SLC45A3: variants seen among roughly 807,000 people sequenced by gnomAD.
SLC45A3 encodes prostate cancer associated protein 2.
A neutral mutation model predicts 35.3 loss-of-function variants in SLC45A3; 17 were observed. That is an observed-to-expected ratio of 0.48 (90% CI 0.33 to 0.72). The LOEUF (loss-of-function observed/expected upper bound fraction) is 0.72, where lower values mean the gene tolerates loss of function less well. SLC45A3 is among the 30% of genes least tolerant of loss of function. SLC45A3 has a pLI of 0.02. For missense variants in SLC45A3, 597 were observed against 731.7 expected (o/e 0.82, Z 2.12); for synonymous variants, 288 against 334.3 (o/e 0.86, Z 1.51).
chr1:205,677,224 A>G (rs1671328345), intron 1 of SLC45A3, among the ~76,000 whole-genome samples: 1 of 152,206 alleles, frequency 6.6e-6, no homozygotes, highest in African/African-American at 2.4e-5. Context: ...ACACAGTAGC[A>G]GAGTAGTAGA....
intron 1 of SLC45A3, among the ~76,000 whole-genome samples, chr1:205,671,895 C>A (rs1187404133): frequency 1.3e-5 from 2 of 151,996 alleles, no homozygotes; most frequent in Admixed American, 1.3e-4. Context: ...AACACGCACA[C>A]AAAACAGAAA....
chr1:205,671,983 CA>C (rs1461894413), intron 1 of SLC45A3, among the ~76,000 whole-genome samples: 5 of 152,166 alleles, frequency 3.3e-5, no homozygotes, highest in African/African-American at 1.2e-4. Flanking sequence ...ATCTTCCAAC[CA>C]TCCGATGAGG....
Position 205,658,999 on chromosome 1 carries a change from C to G in SLC45A3, c.*235G>C, listed in dbSNP as rs1268649989. The G allele has an allele frequency of 1.8e-5, 10 of 544,186 alleles. No homozygotes were observed. The highest frequency in any genetic ancestry group is 3.3e-5 in the Non-Finnish European group (10 of 306,210). The allele number at this position is 544,186 out of a possible 1,614,324, so 33.7% of individuals were successfully genotyped here. On this transcript the variant is annotated 3_prime_UTR_variant, in exon 5 of 5. Coordinates refer to ENST00000367145, the MANE Select transcript of SLC45A3 (RefSeq NM_033102.3). Reference sequence around the variant, plus strand: ...TCCCTGTATAAGTCCAGACTGAAACCCCCTTGGAAGGCCTCCAGTCAGGCA... The same window carrying G: ...TCCCTGTATAAGTCCAGACTGAAACGCCCTTGGAAGGCCTCCAGTCAGGCA...
In SLC45A3 at chr1:205,664,132, C is replaced by A. The variant is rs61822933; in HGVS notation, c.172+353G>T. ...GACTTACCTAACCTCTTAAAAGCCT[C>A]TGCTTCCTTCTCTGTAAAATGGATC... On this transcript the variant is annotated intron_variant, in intron 2 of 4. Coordinates refer to ENST00000367145, the MANE Select transcript of SLC45A3 (RefSeq NM_033102.3). This position sits in a 1 kb window ranked among gnomAD's most constrained non-coding sequence, Gnocchi z 5.3. 2.6e-5 allele frequency among the ~76,000 whole-genome samples: 4 copies of A among 152,174 alleles called. No individual in the cohort carries two copies. The highest frequency in any genetic ancestry group is 5.9e-5 in the Non-Finnish European group (4 of 68,026).
chr1:205,663,546 T>A lies in SLC45A3; in HGVS notation c.245A>T (p.Tyr82Phe). ...GSASDHWRGR[Y>F]GRRRPFIWAL... Reference sequence around the variant, plus strand: ...CCAGATGAAGGGCCGGCGGCGGCCATAGCGTCCACGCCAGTGGTCACTGGC... The same window carrying A: ...CCAGATGAAGGGCCGGCGGCGGCCAAAGCGTCCACGCCAGTGGTCACTGGC... Residue 82 changes from tyrosine (Y) to phenylalanine (F), a missense_variant, in exon 3 of 5, where the codon TAT becomes TTT. Coordinates refer to ENST00000367145, the MANE Select transcript of SLC45A3 (RefSeq NM_033102.3). The A allele has an allele frequency of 6.2e-7, 1 of 1,612,734 alleles. No homozygotes were observed. The highest frequency in any genetic ancestry group is 8.5e-7 in the Non-Finnish European group (1 of 1,179,964).
At chr1:205,673,425 C>A (rs1039089598) in intron 1 of SLC45A3, among the ~76,000 whole-genome samples, 1 of 152,206 alleles carries the variant, frequency 6.6e-6, no homozygotes, top group Non-Finnish European at 1.5e-5. Context: ...GGCTTTCCTC[C>A]TACTGAACTT....
intron 1 of SLC45A3, among the ~76,000 whole-genome samples, chr1:205,676,105 T>G (rs1671309935): frequency 6.6e-6 from 1 of 152,204 alleles, no homozygotes; most frequent in Non-Finnish European, 1.5e-5. Flanking sequence ...ACATTCAAGC[T>G]AGCTGGGTGC....
At chr1:205,668,548 G>T (rs546168306) in intron 1 of SLC45A3, among the ~76,000 whole-genome samples, 35 of 152,140 alleles carry the variant, frequency 2.3e-4, no homozygotes, top group African/African-American at 7.5e-4. Flanking sequence ...CTGGGGACAG[G>T]GTCCAATTCT....
chr1:205,679,910 A>T (rs142036131), intron 1 of SLC45A3, among the ~76,000 whole-genome samples: 2 of 152,054 alleles, frequency 1.3e-5, no homozygotes, highest in East Asian at 1.9e-4. Flanking sequence ...TGCGCGCCGC[A>T]GTGACTCATC....
Position 205,662,839 on chromosome 1 carries a change from C to T in SLC45A3, c.952G>A (p.Asp318Asn), listed in dbSNP as rs1671051778. The T allele has an allele frequency of 3.8e-6, 6 of 1,589,530 alleles. No homozygotes were observed. The highest frequency in any genetic ancestry group is 5.1e-6 in the Non-Finnish European group (6 of 1,165,180). ...CTGGCTGCCAAGGCCTTACCTTCAT[C>T]ATAGTGTCTCCGGGCCTCGGTGCCC... ...EPGTEARRHY[D>N]EGVRMGSLGL... Residue 318 changes from aspartate (D) to asparagine (N), a missense_variant, in exon 3 of 5, where the codon GAT becomes AAT. Asp to Asn is a conservative substitution (Grantham distance 23, BLOSUM62 1). Transcript: ENST00000367145. The surrounding 1 kb of genome is among the most constrained non-coding windows in gnomAD (Gnocchi z 6.2).
intron 1 of SLC45A3, among the ~76,000 whole-genome samples, chr1:205,667,086 A>G (rs1167501905): frequency 6.6e-6 from 1 of 152,188 alleles, no homozygotes; most frequent in Non-Finnish European, 1.5e-5. Context: ...AATAAATTGC[A>G]GGCCAGGCAC....
Position 205,659,523 on chromosome 1 carries a change from G to C in SLC45A3, c.1373C>G (p.Pro458Arg). 2.5e-6 allele frequency: 4 copies of C among 1,610,810 alleles called. No individual in the cohort carries two copies. Among genetic ancestry groups the C allele is most frequent in the Non-Finnish European group, 3.4e-6 (4 of 1,178,058 alleles). ...ACAGGCAGAGGCCCCGCAGAGCGCG[G>C]GTGGAGGTGGGAGCAGGCCACTGCC... is the stretch of plus-strand genomic sequence containing the variant. ...AGGSGLLPPP[P>R]ALCGASACDV... Residue 458 changes from proline (P) to arginine (R), a missense_variant, in exon 5 of 5, where the codon CCC (proline) becomes CGC (arginine). Pro to Arg is a moderately radical substitution (Grantham distance 103). Transcript: ENST00000367145. The surrounding 1 kb of genome is among the most constrained non-coding windows in gnomAD (Gnocchi z 5.8).
At chr1:205,675,407 C>T (rs1671294871) in intron 1 of SLC45A3, among the ~76,000 whole-genome samples, 1 of 152,116 alleles carries the variant, frequency 6.6e-6, no homozygotes, top group Non-Finnish European at 1.5e-5. Context: ...GGGTAAGAGA[C>T]AGGAGATCAG....
intron 1 of SLC45A3, among the ~76,000 whole-genome samples, chr1:205,675,200 T>C (rs886094775): frequency 1.3e-5 from 2 of 152,218 alleles, no homozygotes; most frequent in Admixed American, 6.5e-5. Context: ...AGGACCCCTC[T>C]GCAATGAGGG....
In SLC45A3 at chr1:205,661,874, T is replaced by C; in HGVS notation, c.1211A>G (p.His404Arg). The change falls in exon 4 of 5, where the codon CAC (histidine) becomes CGC (arginine). Residue 404 changes from histidine to arginine, a missense_variant. Physicochemically the swap from His to Arg is conservative, Grantham distance 29. This residue lies in a region of SLC45A3 where 555 missense variants were observed against 664.9 expected (regional missense o/e 0.83). Transcript: ENST00000367145. Reference sequence around the variant, plus strand: ...GCCAATGAGTACCTGCTTCTCCCGGTGGTAGAGGGAGGCCAGTGTGTAGGG... The same window carrying C: ...GCCAATGAGTACCTGCTTCTCCCGGCGGTAGAGGGAGGCCAGTGTGTAGGG... ...ILPYTLASLY[H>R]REKQVFLPKY... is the part of the protein sequence containing the mutation. The C allele has an allele frequency of 6.2e-7, 1 of 1,612,508 alleles. No homozygotes were observed. Among genetic ancestry groups the C allele is most frequent in the South Asian group, 1.1e-5 (1 of 90,984 alleles).
chr1:205,671,583 G>A (rs778379874), intron 1 of SLC45A3, among the ~76,000 whole-genome samples: 1 of 152,216 alleles, frequency 6.6e-6, no homozygotes, highest in Non-Finnish European at 1.5e-5. Context: ...AGCAGGCCGG[G>A]CACGGTGGCT....
intron 1 of SLC45A3, among the ~76,000 whole-genome samples, chr1:205,673,372 C>G (rs541187373): frequency 6.6e-6 from 1 of 152,202 alleles, no homozygotes; most frequent in Non-Finnish European, 1.5e-5. Context: ...TCCTTCCCCC[C>G]ATCCTGCCTT....
At position 205,662,353 on chromosome 1, in the gene SLC45A3, T is replaced by G. The variant is rs1223850485; in HGVS notation, c.959-227A>C. On this transcript the variant is annotated intron_variant, in intron 3 of 4. Transcript: ENST00000367145. This position sits in a 1 kb window ranked among gnomAD's most constrained non-coding sequence, Gnocchi z 6.2. ...GCCCCTTGCTGAAGGCAGAGGAAGGTAGTCTGAAGGTTTCCTGGGAGTCTC... is the reference window on the plus strand; with the variant it reads ...GCCCCTTGCTGAAGGCAGAGGAAGGGAGTCTGAAGGTTTCCTGGGAGTCTC... 7.1e-7 allele frequency: 1 copy of G among 1,404,738 alleles called. No individual in the cohort carries two copies. Among genetic ancestry groups the G allele is most frequent in the Non-Finnish European group, 9.2e-7 (1 of 1,083,974 alleles). The allele number at this position is 1,404,738 out of a possible 1,614,324, so 87.0% of individuals were successfully genotyped here.
intron 1 of SLC45A3, among the ~76,000 whole-genome samples, chr1:205,673,805 G>A (rs1671254953): frequency 6.6e-6 from 1 of 152,182 alleles, no homozygotes; most frequent in African/African-American, 2.4e-5. Flanking sequence ...GGAAAGGGTA[G>A]GCTCTCAAAG....
Sources: gnomAD v4.1 joint callset for allele counts (sites outside exome capture counted in the v4.1 genomes callset) on GRCh38, gnomAD v4.1.1 for gene constraint, gnomAD v4.1.1 regional missense constraint, Gnocchi (gnomAD v3.1) non-coding constraint, MANE v1.5 for transcripts, NCBI Gene and HGNC (gene_info 2026-07-23, HGNC 2026-07-21) for gene names.